RAPGEF6: variants seen among roughly 807,000 people sequenced by gnomAD.
RAPGEF6 encodes PDZ domain containing guanine nucleotide exchange factor (GEF) 2.
RAPGEF6 carries 56 observed loss-of-function variants against 171.4 expected under a neutral mutation model. That is an observed-to-expected ratio of 0.33 (90% CI 0.26 to 0.41). The LOEUF (loss-of-function observed/expected upper bound fraction) is 0.41. Ranked by LOEUF, RAPGEF6 falls within the 10% of genes least tolerant of loss-of-function variation. The pLI, the probability that RAPGEF6 is intolerant of heterozygous loss-of-function variation, is 1.00. For missense variants in RAPGEF6, 1,674 were observed against 1,921.4 expected (o/e 0.87, Z 2.41); for synonymous variants, 692 against 650.1 (o/e 1.06, Z -0.98).
At chr5:131,574,237 T>C (rs1762468967) in intron 4 of RAPGEF6, among the ~76,000 whole-genome samples, 1 of 152,174 alleles carries the variant, frequency 6.6e-6, no homozygotes, top group Non-Finnish European at 1.5e-5. Flanking sequence ...GGAAGTCAGA[T>C]TGTCCAATTC....
chr5:131,486,504 C>T (rs2149866408), intron 15 of RAPGEF6, among the ~76,000 whole-genome samples: 1 of 152,244 alleles, frequency 6.6e-6, no homozygotes, highest in Non-Finnish European at 1.5e-5. Flanking sequence ...CTGGGATATT[C>T]TCTGCTATTA....
chr5:131,427,379 C>A, intron 27 of RAPGEF6, 88 bp from the exon 28 acceptor site: 1 of 1,160,102 alleles, frequency 8.6e-7, no homozygotes, highest in South Asian at 1.4e-5. Context: ...AAATCAATGT[C>A]AACAAAGAAA....
At chr5:131,435,041 T>C (rs1751931559) in intron 24 of RAPGEF6, among the ~76,000 whole-genome samples, 1 of 152,238 alleles carries the variant, frequency 6.6e-6, no homozygotes, top group Non-Finnish European at 1.5e-5. Flanking sequence ...CTCATCTTCA[T>C]GCAGAAAGAG....
intron 17 of RAPGEF6, among the ~76,000 whole-genome samples, chr5:131,468,529 G>C (rs960749049): frequency 5.2e-5 from 5 of 97,062 alleles, no homozygotes; most frequent in African/African-American, 1.7e-4. Flanking sequence ...TGTATGTACT[G>C]ACCCTGAGAT....
intron 7 of RAPGEF6, among the ~76,000 whole-genome samples, chr5:131,520,050 A>G (rs930069941): frequency 1.3e-5 from 2 of 152,220 alleles, no homozygotes; most frequent in Non-Finnish European, 2.9e-5. Context: ...AGATGACCAC[A>G]GCAATTACCT....
At chr5:131,469,231 A>C (rs73254527) in intron 17 of RAPGEF6, among the ~76,000 whole-genome samples, 2 of 152,314 alleles carry the variant, frequency 1.3e-5, no homozygotes, top group African/African-American at 4.8e-5. Flanking sequence ...TTTATGTGCA[A>C]TGAAATTTCT....
At chr5:131,442,248 A>T (rs980793642) in intron 23 of RAPGEF6, 101 bp downstream of exon 23, 1 of 1,195,414 alleles carries the variant, frequency 8.4e-7, no homozygotes, top group Non-Finnish European at 1.2e-6. Flanking sequence ...ATATTACACA[A>T]CCTACAACAG....
In RAPGEF6 at chr5:131,455,856, A is replaced by G; in HGVS notation, c.3021T>C (p.Pro1007=). ...RNILSSQSMQ[P]PIIPLFPVVK... Reference sequence around the variant, plus strand: ...CAACAGGGAAGAGTGGAATAATTGGAGGCTGCATACTTTGACTACTAAGAA... The same window carrying G: ...CAACAGGGAAGAGTGGAATAATTGGGGGCTGCATACTTTGACTACTAAGAA... The change falls in exon 20 of 28, where the codon CCT becomes CCC. Residue 1007 remains proline (P), a synonymous_variant. Transcript: ENST00000509018. The G allele has an allele frequency of 6.2e-7, 1 of 1,613,870 alleles. No homozygotes were observed. Among genetic ancestry groups the G allele is most frequent in the Non-Finnish European group, 8.5e-7 (1 of 1,179,802 alleles).
chr5:131,606,027 CT>C (rs1163163068), intron 1 of RAPGEF6, among the ~76,000 whole-genome samples: 3 of 72,788 alleles, frequency 4.1e-5, no homozygotes, highest in African/African-American at 2.2e-4. Flanking sequence ...GAGACTCCAT[CT>C]CAAAAAAAAA....
At chr5:131,473,166 A>G (rs1023869511) in intron 16 of RAPGEF6, among the ~76,000 whole-genome samples, 2 of 152,182 alleles carry the variant, frequency 1.3e-5, no homozygotes, top group Admixed American at 1.3e-4. Context: ...GTGATCCTCT[A>G]GGAAAAAGAG....
intron 1 of RAPGEF6, among the ~76,000 whole-genome samples, chr5:131,619,311 T>C (rs1765466734): frequency 6.6e-6 from 1 of 152,054 alleles, no homozygotes; most frequent in African/African-American, 2.4e-5. Flanking sequence ...CCAGGGCCTG[T>C]TGCGGCGGGG....
In RAPGEF6 at chr5:131,427,293, TGA is replaced by T. The variant is rs766877119; in HGVS notation, c.4781-4_4781-3del. ...AGACTGCTGAAACTTGTTCATTTTC[TGA>T]AAATAAAAAATATATAATTAACTGG... is the stretch of plus-strand genomic sequence containing the variant. On this transcript the variant is annotated splice_polypyrimidine_tract_variant and splice_region_variant and intron_variant, in intron 27 of 27. Coordinates refer to ENST00000509018, the MANE Select transcript of RAPGEF6 (RefSeq NM_016340.6). The T allele has an allele frequency of 1.2e-6, 2 of 1,603,424 alleles. No individual in the cohort carries two copies. The highest frequency in any genetic ancestry group is 3.3e-5 in the Admixed American group (2 of 59,970).
At chr5:131,471,100 T>A (rs1016204054) in intron 17 of RAPGEF6, among the ~76,000 whole-genome samples, 1 of 152,228 alleles carries the variant, frequency 6.6e-6, no homozygotes, top group Admixed American at 6.5e-5. Context: ...TATACTTTGG[T>A]AACAATCTTC....
chr5:131,494,901 T>G (rs1354227817), intron 13 of RAPGEF6, among the ~76,000 whole-genome samples: 1 of 152,096 alleles, frequency 6.6e-6, no homozygotes, highest in Non-Finnish European at 1.5e-5. Flanking sequence ...TGACTGGAAA[T>G]CCTGGCCAGG....
rs1426505258 is a variant in RAPGEF6 at position 131,424,288 on chromosome 5, A to G, written c.*2978T>C. 4 of 152,374 alleles carry G rather than the reference A, an allele frequency of 2.6e-5. No homozygotes were observed. Among genetic ancestry groups the G allele is most frequent in the Non-Finnish European group, 4.4e-5 (3 of 68,046 alleles). The allele number at this position is 152,374 out of a possible 1,614,324, so 9.4% of individuals were successfully genotyped here. ...AATAAAGAAGCATTAAAAATGCACA[A>G]CAAAAGTCAAAGATGAACCAGGATT... On this transcript the variant is annotated 3_prime_UTR_variant, in exon 28 of 28. Coordinates refer to ENST00000509018, the MANE Select transcript of RAPGEF6 (RefSeq NM_016340.6).
intron 5 of RAPGEF6, among the ~76,000 whole-genome samples, chr5:131,550,986 T>C (rs1760886816): frequency 6.6e-6 from 1 of 152,220 alleles, no homozygotes. Flanking sequence ...TATTATGTAA[T>C]ATTATATTCA....
At chr5:131,532,210 C>G in intron 6 of RAPGEF6, 1 of 408,780 alleles carries the variant, frequency 2.4e-6, no homozygotes, top group South Asian at 1.8e-5. Context: ...GTGATGAGTA[C>G]GGTGATAAAA....
At chr5:131,452,452 A>G (rs1296485684) in intron 21 of RAPGEF6, among the ~76,000 whole-genome samples, 1 of 152,160 alleles carries the variant, frequency 6.6e-6, no homozygotes, top group Non-Finnish European at 1.5e-5. Context: ...CAAATGAAAC[A>G]CAGTATAATT....
At chr5:131,618,508 C>T (rs1340117126) in intron 1 of RAPGEF6, among the ~76,000 whole-genome samples, 1 of 152,040 alleles carries the variant, frequency 6.6e-6, no homozygotes, top group Non-Finnish European at 1.5e-5. Flanking sequence ...TGTGATGGCA[C>T]ATGCCTGCAG....
Sources: gnomAD v4.1 joint callset for allele counts (sites outside exome capture counted in the v4.1 genomes callset) on GRCh38, gnomAD v4.1.1 for gene constraint, MANE v1.5 for transcripts, NCBI Gene and HGNC (gene_info 2026-07-23, HGNC 2026-07-21) for gene names.